ZUP1: variants seen among roughly 807,000 people sequenced by gnomAD.
The protein encoded by ZUP1 is zinc finger containing ubiquitin peptidase 1.
A neutral mutation model predicts 68.1 loss-of-function variants in ZUP1; 55 were observed. The ratio of observed to expected loss-of-function variants is 0.81; its 90% CI spans 0.65 to 1.01. The LOEUF (loss-of-function observed/expected upper bound fraction) is 1.01, where lower values mean the gene tolerates loss of function less well. Among genes scored for constraint, ZUP1 ranks in the 50% least tolerant of loss-of-function variants. The pLI is 0.00. For synonymous variants in ZUP1, 223 were observed against 221.5 expected, an observed-to-expected ratio of 1.01 and a Z score of -0.06; for missense variants, 684 against 674.9, an observed-to-expected ratio of 1.01 and a Z score of -0.15.
At chr6:116,635,905 T>C in intron 9 of ZUP1, 26 bp from the exon 10 acceptor site, 1 of 1,530,618 alleles carries the variant, frequency 6.5e-7, no homozygotes, top group Admixed American at 1.9e-5. Context: ...TAAAAAACAA[T>C]TTTAAGCTAT....
At chr6:116,645,182 G>A (rs1394880102) in intron 9 of ZUP1, among the ~76,000 whole-genome samples, 1 of 151,988 alleles carries the variant, frequency 6.6e-6, no homozygotes, top group Non-Finnish European at 1.5e-5. Context: ...AGTATAAAAA[G>A]TCATTAAAGT....
At chr6:116,641,811 C>A (rs1776109590) in intron 9 of ZUP1, among the ~76,000 whole-genome samples, 2 of 152,194 alleles carry the variant, frequency 1.3e-5, no homozygotes, top group South Asian at 2.1e-4. Flanking sequence ...CATTCAAAAG[C>A]TAGCAGGAGG....
intron 8 of ZUP1, chr6:116,646,156 T>G: frequency 5.2e-6 from 2 of 382,172 alleles, no homozygotes; most frequent in Non-Finnish European, 9.3e-6. Context: ...AAAAAAAACA[T>G]TTTTATTCTG....
intron 4 of ZUP1, among the ~76,000 whole-genome samples, chr6:116,657,498 GCCAATTT>G (rs1453605278): frequency 6.6e-6 from 1 of 152,022 alleles, no homozygotes; most frequent in Non-Finnish European, 1.5e-5. Context: ...CTTAAGAAAA[GCCAATTT>G]TCTTTCCTAT....
chr6:116,642,603 A>G (rs2115383561), intron 9 of ZUP1, among the ~76,000 whole-genome samples: 1 of 152,382 alleles, frequency 6.6e-6, no homozygotes, highest in South Asian at 2.1e-4. Flanking sequence ...TTATCTCAAT[A>G]GATGCAGAAA....
intron 9 of ZUP1, among the ~76,000 whole-genome samples, chr6:116,642,562 A>G (rs1245097718): frequency 6.6e-6 from 1 of 152,256 alleles, no homozygotes; most frequent in Non-Finnish European, 1.5e-5. Context: ...AATCCAGAAT[A>G]TAAACAGAAC....
intron 2 of ZUP1, among the ~76,000 whole-genome samples, chr6:116,662,117 G>A (rs535096581): frequency 8.3e-4 from 127 of 152,174 alleles, no homozygotes; most frequent in Non-Finnish European, 1.3e-3. Flanking sequence ...AGAAAATGAA[G>A]TATTAAGTAC....
intron 4 of ZUP1, among the ~76,000 whole-genome samples, chr6:116,658,081 G>A (rs1337842750): frequency 1.3e-5 from 2 of 151,950 alleles, no homozygotes; most frequent in African/African-American, 4.8e-5. Flanking sequence ...CGACAAGAGT[G>A]AAACTCCGTC....
chr6:116,645,149 TTAAAC>T (rs148593047), intron 9 of ZUP1, among the ~76,000 whole-genome samples: 32,088 of 151,838 alleles, frequency 0.21, 3,690 homozygotes, highest in Non-Finnish European at 0.27. Flanking sequence ...TTAAATTAAA[TTAAAC>T]ACTTTTATGA....
At position 116,647,496 on chromosome 6, in the gene ZUP1, C is replaced by T. The variant is rs1365276054; in HGVS notation, c.1431G>A (p.Val477=). The change falls in exon 8 of 10, where the codon GTG becomes GTA. Residue 477 remains valine (V), a synonymous_variant. Coordinates refer to ENST00000368576, the MANE Select transcript of ZUP1 (RefSeq NM_145062.3). ...GATAGATAGGAGGTTTAGATGTACA[C>T]ACTACCTTTGGACTCCCTTCTCCCT... ...SSEGEGSPKV[V]CTSKPPIYLQ... is the part of the protein sequence containing the mutation. The T allele has an allele frequency of 3.1e-6, 5 of 1,595,230 alleles. No individual in the cohort carries two copies. Among genetic ancestry groups the T allele is most frequent in the Non-Finnish European group, 4.3e-6 (5 of 1,167,346 alleles).
At chr6:116,667,301 A>C in intron 1 of ZUP1, 94 bp from the exon 2 acceptor site, 1 of 747,786 alleles carries the variant, frequency 1.3e-6, no homozygotes, top group Non-Finnish European at 2.0e-6. Flanking sequence ...TTAACGCTGG[A>C]TTATTTTGAT....
intron 9 of ZUP1, among the ~76,000 whole-genome samples, chr6:116,639,638 G>A (rs2115378235): frequency 6.6e-6 from 1 of 152,338 alleles, no homozygotes; most frequent in South Asian, 2.1e-4. Flanking sequence ...CTGTCTGTTA[G>A]AAGGAAAACT....
intron 4 of ZUP1, among the ~76,000 whole-genome samples, chr6:116,657,962 G>A (rs1776719380): frequency 6.6e-6 from 1 of 152,072 alleles, no homozygotes; most frequent in Admixed American, 6.5e-5. Context: ...GCATGGTGGT[G>A]CACACCTGTA....
At chr6:116,651,320 A>C (rs753944548) in intron 7 of ZUP1, among the ~76,000 whole-genome samples, 1 of 152,192 alleles carries the variant, frequency 6.6e-6, no homozygotes, top group Non-Finnish European at 1.5e-5. Flanking sequence ...GACTATCTGA[A>C]ACTCATAAAC....
At chr6:116,649,165 T>G (rs1388869368) in intron 7 of ZUP1, among the ~76,000 whole-genome samples, 1 of 152,096 alleles carries the variant, frequency 6.6e-6, no homozygotes, top group Non-Finnish European at 1.5e-5. Flanking sequence ...ACAACATTAG[T>G]TTTTCTATGT....
Position 116,660,877 on chromosome 6 carries a change from A to AT in ZUP1, c.560-32dup, listed in dbSNP as rs768466139. 78 of 1,220,292 alleles carry AT rather than the reference A, an allele frequency of 6.4e-5. No individual in the cohort carries two copies. In the African/African-American group the frequency reaches 1.1e-3, roughly 17 times the overall value. 75.6% of individuals were successfully genotyped at this position (1,220,292 alleles called of 1,614,324 possible). ...TCAGAGATATAATTAAGTTGTTTTT[A>AT]TTTTTTTATTTTAATTTTTTTCTTT... On this transcript the variant is annotated intron_variant, in intron 2 of 9. Coordinates refer to ENST00000368576, the MANE Select transcript of ZUP1 (RefSeq NM_145062.3).
At position 116,647,638 on chromosome 6, in the gene ZUP1, T is replaced by G. The variant is rs1394931161; in HGVS notation, c.1317-28A>C. 2.0e-5 allele frequency: 29 copies of G among 1,452,474 alleles called. No individual in the cohort carries two copies. In the East Asian group the frequency reaches 6.8e-4, roughly 34 times the overall value. The allele number at this position is 1,452,474 out of a possible 1,614,324, so 90.0% of individuals were successfully genotyped here. ...ATTAAAAATTGACAAAATGCACATT[T>G]AAAGGGCATTTTAAAATATTTTCAT... On this transcript the variant is annotated intron_variant, in intron 7 of 9. Transcript: ENST00000368576.
rs140154239 is a variant in ZUP1, at chr6:116,638,526, T to C, written c.1690-2647A>G. ...TGAATATCCAATAAGCCCAAGTGCATAAAATAGAGCCTTAGGAGTCACAAG... is the reference window on the plus strand; with the variant it reads ...TGAATATCCAATAAGCCCAAGTGCACAAAATAGAGCCTTAGGAGTCACAAG... On this transcript the variant is annotated intron_variant, in intron 9 of 9. Transcript: ENST00000368576. Among the ~76,000 whole-genome samples the C allele has an allele frequency of 3.2e-3, 494 of 152,288 alleles. 13 individuals are homozygous for C. Among genetic ancestry groups the C allele is most frequent in the Admixed American group, 0.024 (365 of 15,294 alleles).
At chr6:116,641,398 A>C (rs536037082) in intron 9 of ZUP1, among the ~76,000 whole-genome samples, 153 of 152,198 alleles carry the variant, frequency 1.0e-3, no homozygotes, top group Admixed American at 8.9e-3. Flanking sequence ...TTTTTTCAGC[A>C]CCACACCACA....
Sources: gnomAD v4.1 joint callset for allele counts (sites outside exome capture counted in the v4.1 genomes callset) on GRCh38, gnomAD v4.1.1 for gene constraint, MANE v1.5 for transcripts, NCBI Gene and HGNC (gene_info 2026-07-23, HGNC 2026-07-21) for gene names.